The following TOP1MT variants were observed in gnomAD, a reference collection of about 807,000 sequenced individuals.
The protein encoded by TOP1MT is DNA topoisomerase I, mitochondrial.
A neutral mutation model predicts 73.9 loss-of-function variants in TOP1MT; 80 were observed. The ratio of observed to expected loss-of-function variants is 1.08; its 90% CI spans 0.90 to 1.30. The LOEUF (loss-of-function observed/expected upper bound fraction) is 1.30, where lower values mean the gene tolerates loss of function less well. Ranked by LOEUF, TOP1MT falls within the 50% of genes most tolerant of loss-of-function variation. The probability of loss-of-function intolerance (pLI) is 0.00; values close to 1 mark genes in which losing one functional copy is unlikely to be tolerated. For synonymous variants in TOP1MT, 338 were observed against 326.4 expected (o/e 1.04, Z -0.38); for missense variants, 815 against 808.0 (o/e 1.01, Z -0.10).
At chr8:143,317,380 C>G (rs1370874548) in intron 10 of TOP1MT, among the ~76,000 whole-genome samples, 1 of 152,182 alleles carries the variant, frequency 6.6e-6, no homozygotes, top group African/African-American at 2.4e-5. Context: ...AGGGACAGAA[C>G]CACTGGAAAG....
chr8:143,329,294 C>T, intron 3 of TOP1MT, 56 bp downstream of exon 3: 5 of 1,519,698 alleles, frequency 3.3e-6, no homozygotes, highest in Non-Finnish European at 4.4e-6. Context: ...TGCAGAACCG[C>T]AGACGCCTAG....
At chr8:143,322,530 C>G (rs1452168130) in intron 7 of TOP1MT, among the ~76,000 whole-genome samples, 1 of 114,428 alleles carries the variant, frequency 8.7e-6, no homozygotes, top group Non-Finnish European at 1.7e-5. Context: ...ACAGGCACGC[C>G]AAAGATGCAC....
upstream of TOP1MT, among the ~76,000 whole-genome samples, chr8:143,338,074 C>T (rs772343961): frequency 5.3e-5 from 8 of 152,168 alleles, no homozygotes; most frequent in Admixed American, 3.3e-4. Flanking sequence ...TCTACTGATG[C>T]TCCCAGCTGA....
chr8:143,354,799 A>G (rs1021090782), intron 1 of TOP1MT, among the ~76,000 whole-genome samples: 1 of 152,204 alleles, frequency 6.6e-6, no homozygotes, highest in East Asian at 1.9e-4. Context: ...GGCAGCTCCC[A>G]GAACCAGAAC....
At chr8:143,354,219 G>A (rs910737615) in intron 1 of TOP1MT, among the ~76,000 whole-genome samples, 3 of 152,052 alleles carry the variant, frequency 2.0e-5, no homozygotes, top group Admixed American at 6.5e-5. Flanking sequence ...GGTGTTTTCG[G>A]CTGTGAAAGG....
intron 6 of TOP1MT, 132 bp from the exon 7 acceptor site, chr8:143,324,274 A>G: frequency 7.1e-7 from 1 of 1,403,258 alleles, no homozygotes; most frequent in South Asian, 1.3e-5. Flanking sequence ...CTGGGGCAGC[A>G]AATCTAGCTG....
At chr8:143,356,785 CA>C (rs1161995816), upstream of TOP1MT, among the ~76,000 whole-genome samples, 576 of 25,938 alleles carry the variant, frequency 0.022, no homozygotes, top group African/African-American at 0.054. Context: ...GACTCTGTCT[CA>C]AAAAAAAAAA....
intron 3 of TOP1MT, among the ~76,000 whole-genome samples, chr8:143,328,659 T>C (rs927999798): frequency 2.0e-5 from 3 of 152,248 alleles, no homozygotes; most frequent in African/African-American, 4.8e-5. Flanking sequence ...GGAATGTTCA[T>C]GGCAGCTTTA....
In TOP1MT at chr8:143,344,902, G is replaced by A. The variant is rs1490761628; in HGVS notation, c.-39+14C>T. 1 of 152,386 alleles carries A rather than the reference G, an allele frequency of 6.6e-6. No individual in the cohort carries two copies. The highest frequency in any genetic ancestry group is 1.9e-4 in the East Asian group (1 of 5,198). 9.4% of individuals were successfully genotyped at this position (152,386 alleles called of 1,614,324 possible). A position where few individuals can be genotyped will look rare whatever the true frequency, so the allele number is the denominator to read the frequency against. ...ACAGAATGGATGGGCGTCAAGGGAG[G>A]AGCCACCCAGCACCTGGAGAGCAGC... is the stretch of plus-strand genomic sequence containing the variant. On this transcript the variant is annotated intron_variant, in intron 1 of 5. Transcript: ENST00000518007. The surrounding 1 kb of genome is among the most constrained non-coding windows in gnomAD (Gnocchi z 4.6).
chr8:143,322,572 C>CCA (rs1221863711), intron 7 of TOP1MT, among the ~76,000 whole-genome samples: 4 of 124,638 alleles, frequency 3.2e-5, no homozygotes, highest in Non-Finnish European at 6.4e-5. Flanking sequence ...CACAGACACG[C>CCA]CACACACATG....
At chr8:143,316,164 G>T (rs1406618120) in intron 10 of TOP1MT, 38 bp from the exon 11 acceptor site, 1 of 1,613,170 alleles carries the variant, frequency 6.2e-7, no homozygotes, top group Non-Finnish European at 8.5e-7. Flanking sequence ...CACCCACGGG[G>T]CCGGCCACCC....
rs990524548 is a variant in TOP1MT, at chr8:143,323,871, A to C, written c.960+128T>G. ...CCCACACACGTGTGCACATGCACAC[A>C]CCCCCCCCATCAGAATGAGGTTCCA... On this transcript the variant is annotated intron_variant, in intron 7 of 13. Coordinates refer to ENST00000329245, the MANE Select transcript of TOP1MT (RefSeq NM_052963.3). The C allele has an allele frequency of 3.3e-4, 333 of 1,019,116 alleles. No homozygotes were observed. The highest frequency in any genetic ancestry group is 5.6e-4 in the East Asian group (23 of 41,058). 63.1% of individuals were successfully genotyped at this position (1,019,116 alleles called of 1,614,324 possible).
chr8:143,321,790 C>CACAG (rs1195351175), intron 7 of TOP1MT, among the ~76,000 whole-genome samples: 1 of 80,756 alleles, frequency 1.2e-5, no homozygotes. Context: ...ACGCCACACA[C>CACAG]GCACGCCACA....
In TOP1MT at chr8:143,321,249, C is replaced by T; in HGVS notation, c.1098G>A (p.Leu366=). ...GCQHVVEFDF[L]GKDCIRYYNR... ...TGTAGTAGCGGATGCAGTCCTTCCC[C>T]AGGAAGTCAAATTCCACCACGTGTT... Residue 366 remains leucine (L), a synonymous_variant, in exon 8 of 14, where the codon CTG becomes CTA. Coordinates refer to ENST00000329245, the MANE Select transcript of TOP1MT (RefSeq NM_052963.3). 1 of 1,612,294 alleles carries T rather than the reference C, an allele frequency of 6.2e-7. No homozygotes were observed. The highest frequency in any genetic ancestry group is 8.5e-7 in the Non-Finnish European group (1 of 1,179,076).
intron 3 of TOP1MT, 63 bp from the exon 4 acceptor site, chr8:143,326,407 G>A (rs559659632): frequency 6.3e-6 from 10 of 1,598,644 alleles, no homozygotes; most frequent in East Asian, 2.2e-5. Context: ...GAGCGCTCTC[G>A]CCATGTCTGA....
In TOP1MT at chr8:143,324,606, G is replaced by A. The variant is rs765746280; in HGVS notation, c.695C>T (p.Pro232Leu). 82 of 1,613,328 alleles carry A rather than the reference G, an allele frequency of 5.1e-5. No homozygotes were observed. The highest frequency in any genetic ancestry group is 5.8e-5 in the Non-Finnish European group (69 of 1,179,922). ...CACCTCCTTCCACTGGTGCCCCGCC[G>A]GCGGCTCGGGGATCTTCGAGTCCCT... ...CSRDSKIPEPPAGHQWKEVRS... is the reference protein window; with the variant it reads ...CSRDSKIPEPLAGHQWKEVRS... Residue 232 changes from proline to leucine, a missense_variant, in exon 6 of 14, where the codon CCG becomes CTG. By Grantham distance (98) the Pro-to-Leu change is moderately conservative. Around this residue, in one of 3 missense-constraint regions of TOP1MT, gnomAD observed 751 missense variants for 725.4 expected, o/e 1.04. Coordinates refer to ENST00000329245, the MANE Select transcript of TOP1MT (RefSeq NM_052963.3).
chr8:143,342,056 A>AT lies in TOP1MT; in HGVS notation c.29+1163_29+1164insA, dbSNP rs1817099091. On this transcript the variant is annotated intron_variant, in intron 2 of 5. Coordinates refer to the TOP1MT transcript ENST00000518007. ...GAGTCTCGCTGTTATTATTATTATT[A>AT]GAGACAGAGTCTCGCTCTGTTATTA... is the stretch of plus-strand genomic sequence containing the variant. Among the ~76,000 whole-genome samples, 3 of 140,400 alleles carry AT rather than the reference A, an allele frequency of 2.1e-5. 1 individual carries two copies. Among genetic ancestry groups the AT allele is most frequent in the South Asian group, 4.3e-4 (2 of 4,694 alleles). The allele number at this position is 140,400 out of a possible 152,430, so 92.1% of individuals were successfully genotyped here. A position where few individuals can be genotyped will look rare whatever the true frequency, so the allele number is the denominator to read the frequency against.
chr8:143,321,132 G>C lies in TOP1MT; in HGVS notation c.1146+69C>G, dbSNP rs565823345. On this transcript the variant is annotated intron_variant, in intron 8 of 13. Transcript: ENST00000329245. ...GGGCCACAGACCCCACGGCAGCTCCGGCACGCCCCCAGACATCCAGAGCAA... is the reference window on the plus strand; with the variant it reads ...GGGCCACAGACCCCACGGCAGCTCCCGCACGCCCCCAGACATCCAGAGCAA... The C allele has an allele frequency of 7.5e-6, 11 of 1,466,826 alleles. No individual in the cohort carries two copies. The African/African-American group carries it at 1.1e-4, about 15-fold the overall frequency. The allele number at this position is 1,466,826 out of a possible 1,614,324, so 90.9% of individuals were successfully genotyped here.
intron 1 of TOP1MT, among the ~76,000 whole-genome samples, chr8:143,351,768 T>C (rs1817324465): frequency 6.6e-6 from 1 of 152,016 alleles, no homozygotes; most frequent in Non-Finnish European, 1.5e-5. Context: ...GTTCATGGAC[T>C]AGATGACTTC....
Sources: allele counts gnomAD v4.1 joint callset (sites outside exome capture counted in the v4.1 genomes callset), GRCh38; gene constraint gnomAD v4.1.1; regional missense constraint gnomAD v4.1.1; non-coding constraint Gnocchi (gnomAD v3.1); transcripts MANE v1.5; gene names NCBI Gene and HGNC (gene_info 2026-07-23, HGNC 2026-07-21).